MYT1L: variants seen among roughly 807,000 people sequenced by gnomAD.
The protein encoded by MYT1L is myelin transcription factor 1 like.
A neutral mutation model predicts 126.7 loss-of-function variants in MYT1L; 12 were observed. The ratio of observed to expected loss-of-function variants is 0.09; its 90% CI spans 0.06 to 0.15. The LOEUF (loss-of-function observed/expected upper bound fraction) is 0.15, where lower values mean the gene tolerates loss of function less well. Ranked by LOEUF, MYT1L falls within the 10% of genes least tolerant of loss-of-function variation. The pLI is 1.00. For synonymous variants in MYT1L, 541 were observed against 604.2 expected (o/e 0.90, Z 1.53); for missense variants, 979 against 1,585.2 (o/e 0.62, Z 6.49).
Position 2,230,137 on chromosome 2 carries a change from G to A in MYT1L, c.-421+54267C>T, listed in dbSNP as rs79018269. Among the ~76,000 whole-genome samples the A allele has an allele frequency of 0.014, 2,076 of 152,242 alleles. 102 individuals are homozygous for A. In the East Asian group the frequency reaches 0.15, roughly 11 times the overall value. ...ATGCATTTGACAACCCTTTTATACGGTGAACAGTGATCTCTCAACAGGAAA... is the reference window on the plus strand; with the variant it reads ...ATGCATTTGACAACCCTTTTATACGATGAACAGTGATCTCTCAACAGGAAA... On this transcript the variant is annotated intron_variant, in intron 2 of 24. Transcript: ENST00000647738.
chr2:2,001,252 T>TG, intron 4 of MYT1L, among the ~76,000 whole-genome samples: 1 of 143,158 alleles, frequency 7.0e-6, no homozygotes, highest in Admixed American at 6.9e-5. Flanking sequence ...TTTTTTTTTT[T>TG]GCTTTTTTTT....
chr2:2,141,221 C>T (rs1559129406), intron 3 of MYT1L, among the ~76,000 whole-genome samples: 1 of 152,172 alleles, frequency 6.6e-6, no homozygotes, highest in African/African-American at 2.4e-5. Flanking sequence ...CATGCATAAT[C>T]ATAAAAATAC....
At chr2:2,184,506 A>T (rs2091909111) in intron 2 of MYT1L, among the ~76,000 whole-genome samples, 1 of 152,210 alleles carries the variant, frequency 6.6e-6, no homozygotes, top group African/African-American at 2.4e-5. Flanking sequence ...GTGTCAAAGT[A>T]GCATGCTTTT....
chr2:2,229,748 T>C (rs1003291014), intron 2 of MYT1L, among the ~76,000 whole-genome samples: 1 of 152,152 alleles, frequency 6.6e-6, no homozygotes, highest in Non-Finnish European at 1.5e-5. Flanking sequence ...TCTCTAAACC[T>C]TATGCCAACG....
chr2:2,081,918 T>G (rs2075876253), intron 3 of MYT1L, among the ~76,000 whole-genome samples: 1 of 152,032 alleles, frequency 6.6e-6, no homozygotes. Flanking sequence ...TTTTGTATGT[T>G]TTTTAGTAGA....
At position 2,004,022 on chromosome 2, in the gene MYT1L, C is replaced by CATT. The variant is rs1574412826; in HGVS notation, c.-157-6676_-157-6675insAAT. On this transcript the variant is annotated intron_variant, in intron 4 of 24. Transcript: ENST00000647738. ...TCCTGCATGCCTTCTTTCCTGCATG[C>CATT]CTTCTTTCCTGCATGCATTCTTTCC... Among the ~76,000 whole-genome samples, 20 of 151,004 alleles carry CATT rather than the reference C, an allele frequency of 1.3e-4. No individual in the cohort carries two copies. The East Asian group carries it at 1.6e-3, about 12-fold the overall frequency.
intron 3 of MYT1L, among the ~76,000 whole-genome samples, chr2:2,098,879 G>A (rs2077731831): frequency 6.6e-6 from 1 of 152,140 alleles, no homozygotes; most frequent in Admixed American, 6.5e-5. Flanking sequence ...ATAGGTGGTG[G>A]GGTCTGCAGT....
In MYT1L at chr2:1,839,373, G is replaced by A; in HGVS notation, c.2859-3C>T. On this transcript the variant is annotated splice_region_variant and splice_polypyrimidine_tract_variant and intron_variant, in intron 20 of 24. Transcript: ENST00000647738. ...CGTCGCACCCGGGGACCGGACACCT[G>A]TAGGCAGGCAGAGGTGACACACTTT... is the stretch of plus-strand genomic sequence containing the variant. 1 of 1,610,812 alleles carries A rather than the reference G, an allele frequency of 6.2e-7. No homozygotes were observed.
intron 2 of MYT1L, among the ~76,000 whole-genome samples, chr2:2,204,060 G>A (rs1408285551): frequency 6.6e-6 from 1 of 152,216 alleles, no homozygotes; most frequent in Admixed American, 6.5e-5. Context: ...CTAGCCATAT[G>A]TAGAAAGCTG....
At chr2:1,876,487 C>A (rs989413819) in intron 18 of MYT1L, among the ~76,000 whole-genome samples, 1 of 152,122 alleles carries the variant, frequency 6.6e-6, no homozygotes, top group Non-Finnish European at 1.5e-5. Flanking sequence ...GACCCTGACC[C>A]CCCCGTCCAT....
At chr2:1,823,177 C>T (rs1337681194) in intron 21 of MYT1L, among the ~76,000 whole-genome samples, 1 of 152,200 alleles carries the variant, frequency 6.6e-6, no homozygotes, top group African/African-American at 2.4e-5. Context: ...TGTCCTGCTG[C>T]ACAGCCCTGT....
At chr2:2,014,619 AC>A (rs1395973504) in intron 4 of MYT1L, among the ~76,000 whole-genome samples, 1 of 152,170 alleles carries the variant, frequency 6.6e-6, no homozygotes, top group Non-Finnish European at 1.5e-5. Flanking sequence ...CCGGATGGGC[AC>A]CCTGCCTGAC....
rs374890272 is a variant in MYT1L, at chr2:2,009,462, T to C, written c.-157-12115A>G. Among the ~76,000 whole-genome samples, 18 of 152,358 alleles carry C rather than the reference T, an allele frequency of 1.2e-4. No homozygotes were observed. In the East Asian group the frequency reaches 1.7e-3, roughly 15 times the overall value. ...TTCCAAAATATCTTTTTTGATGCTA[T>C]CATAAATGGGATTGTTTTACTGATT... On this transcript the variant is annotated intron_variant, in intron 4 of 24. Transcript: ENST00000647738.
intron 4 of MYT1L, among the ~76,000 whole-genome samples, chr2:2,050,242 A>C (rs1239850673): frequency 6.6e-6 from 1 of 152,154 alleles, no homozygotes; most frequent in Non-Finnish European, 1.5e-5. Context: ...ACCTGATGAC[A>C]TTTGCTCACT....
At chr2:2,175,959 A>G (rs1486987689) in intron 2 of MYT1L, among the ~76,000 whole-genome samples, 2 of 152,346 alleles carry the variant, frequency 1.3e-5, no homozygotes, top group East Asian at 1.9e-4. Context: ...ACTATGGAGT[A>G]CATAGCAGGT....
chr2:1,982,029 C>T (rs567948086), intron 5 of MYT1L, among the ~76,000 whole-genome samples: 1 of 152,324 alleles, frequency 6.6e-6, no homozygotes, highest in South Asian at 2.1e-4. Context: ...TCTGGGGCCA[C>T]ATCACGTGGA....
rs1558882934 is a variant in MYT1L, at chr2:2,059,598, A to T, written c.-303-5475T>A. Among the ~76,000 whole-genome samples, 1 of 152,188 alleles carries T rather than the reference A, an allele frequency of 6.6e-6. No homozygotes were observed. Among genetic ancestry groups the T allele is most frequent in the Non-Finnish European group, 1.5e-5 (1 of 68,026 alleles). On this transcript the variant is annotated intron_variant, in intron 3 of 24. Transcript: ENST00000647738. The surrounding 1 kb of genome is among the most constrained non-coding windows in gnomAD (Gnocchi z 4.7). ...GCACCAAAGCACAAACGGACGCAGGACTGCAGTTCGGCAGGGGGCACACAA... is the reference window on the plus strand; with the variant it reads ...GCACCAAAGCACAAACGGACGCAGGTCTGCAGTTCGGCAGGGGGCACACAA...
intron 3 of MYT1L, among the ~76,000 whole-genome samples, chr2:2,116,660 G>C (rs2147825892): frequency 6.6e-6 from 1 of 152,360 alleles, no homozygotes; most frequent in Middle Eastern, 3.4e-3. Context: ...TGACTTGCAG[G>C]ACTGGGTTAG....
chr2:2,286,351 C>G (rs917524078), intron 1 of MYT1L, among the ~76,000 whole-genome samples: 6 of 152,144 alleles, frequency 3.9e-5, no homozygotes, highest in Non-Finnish European at 8.8e-5. Flanking sequence ...CAGAAACTTT[C>G]TCTTTTGCAG....
Sources: allele counts gnomAD v4.1 joint callset (sites outside exome capture counted in the v4.1 genomes callset), GRCh38; gene constraint gnomAD v4.1.1; non-coding constraint Gnocchi (gnomAD v3.1); transcripts MANE v1.5; gene names NCBI Gene and HGNC (gene_info 2026-07-23, HGNC 2026-07-21).